Variants in CD86 observed in about 807,000 individuals in gnomAD.
CD86 encodes T-lymphocyte activation antigen CD86.
A neutral mutation model predicts 32.1 loss-of-function variants in CD86; 11 were observed. The ratio of observed to expected loss-of-function variants is 0.34; its 90% CI spans 0.22 to 0.57. CD86 has a LOEUF of 0.57. Among genes scored for constraint, CD86 ranks in the 20% least tolerant of loss-of-function variants. The pLI is 0.86. For synonymous variants in CD86, 137 were observed against 135.3 expected (o/e 1.01, Z -0.09); for missense variants, 359 against 398.4 (o/e 0.90, Z 0.84).
At chr3:122,060,240 A>G (rs994410394) in intron 1 of CD86, among the ~76,000 whole-genome samples, 1 of 152,242 alleles carries the variant, frequency 6.6e-6, no homozygotes, top group African/African-American at 2.4e-5. Context: ...AGAAAGGCGA[A>G]GTAGGAGAAT....
intron 1 of CD86, among the ~76,000 whole-genome samples, chr3:122,070,756 T>C (rs1422047094): frequency 1.3e-5 from 2 of 152,088 alleles, no homozygotes; most frequent in Non-Finnish European, 2.9e-5. Flanking sequence ...AAGGCAGAAA[T>C]ACAAAAGGAG....
At chr3:122,070,428 A>G (rs2072473614) in intron 1 of CD86, among the ~76,000 whole-genome samples, 1 of 152,190 alleles carries the variant, frequency 6.6e-6, no homozygotes, top group Admixed American at 6.5e-5. Context: ...GTGAGGGTCC[A>G]TCCTACCCCA....
intron 5 of CD86, among the ~76,000 whole-genome samples, chr3:122,115,336 A>C (rs970575352): frequency 1.3e-5 from 2 of 152,200 alleles, no homozygotes; most frequent in Non-Finnish European, 2.9e-5. Flanking sequence ...AAACTATACA[A>C]TATTACTACT....
chr3:122,097,919 T>G (rs1388322009), intron 2 of CD86, among the ~76,000 whole-genome samples: 1 of 152,100 alleles, frequency 6.6e-6, no homozygotes, highest in Non-Finnish European at 1.5e-5. Context: ...GACCTAAGAA[T>G]GAGGGTGCCT....
intron 2 of CD86, chr3:122,091,863 C>G (rs1038017747): frequency 9.0e-6 from 5 of 553,126 alleles, no homozygotes; most frequent in South Asian, 2.3e-5. Flanking sequence ...GCTCTCCCCC[C>G]CGTGTGCTTC....
intron 1 of CD86, among the ~76,000 whole-genome samples, chr3:122,080,807 CAG>C (rs2072623389): frequency 6.6e-6 from 1 of 152,146 alleles, no homozygotes; most frequent in South Asian, 2.1e-4. Context: ...TTGAGGAAAA[CAG>C]AGCTCAGGAT....
intron 1 of CD86, among the ~76,000 whole-genome samples, chr3:122,068,186 C>T (rs773073362): frequency 1.3e-5 from 2 of 152,068 alleles, no homozygotes; most frequent in Admixed American, 6.6e-5. Flanking sequence ...ATACCCCAAT[C>T]TATTTTATTT....
In CD86 at chr3:122,106,264, C is replaced by A. The variant is rs759055247; in HGVS notation, c.467C>A (p.Thr156Asn). 1.2e-6 allele frequency: 2 copies of A among 1,613,076 alleles called. No homozygotes were observed. Among genetic ancestry groups the A allele is most frequent in the Non-Finnish European group, 1.7e-6 (2 of 1,179,484 alleles). ...ACAGAAAATGTGTACATAAATTTGA[C>A]CTGCTCATCTATACACGGTTACCCA... ...NITENVYINL[T>N]CSSIHGYPEP... The change falls in exon 4 of 7, where the codon ACC becomes AAC. Residue 156 changes from threonine (T) to asparagine (N), a missense_variant. Transcript: ENST00000330540.
intron 1 of CD86, among the ~76,000 whole-genome samples, chr3:122,066,409 A>T (rs2072413820): frequency 6.6e-6 from 1 of 152,240 alleles, no homozygotes; most frequent in East Asian, 1.9e-4. Flanking sequence ...ATTCTGTCCA[A>T]AAAAGGGACA....
At chr3:122,087,457 C>A (rs2072742363) in intron 1 of CD86, among the ~76,000 whole-genome samples, 1 of 152,132 alleles carries the variant, frequency 6.6e-6, no homozygotes, top group East Asian at 1.9e-4. Flanking sequence ...TCTTCACGGC[C>A]AATGACATTG....
intron 2 of CD86, 83 bp from the exon 3 acceptor site, chr3:122,103,429 C>A: frequency 1.2e-6 from 1 of 822,388 alleles, no homozygotes; most frequent in Non-Finnish European, 2.0e-6. Flanking sequence ...AAGATAGTAT[C>A]TGGGTATTGT....
intron 4 of CD86, among the ~76,000 whole-genome samples, chr3:122,108,859 C>T (rs1002934434): frequency 2.6e-5 from 4 of 152,148 alleles, no homozygotes; most frequent in African/African-American, 9.7e-5. Flanking sequence ...AGAATCATCA[C>T]GAGAGGAACT....
At position 122,119,504 on chromosome 3, in the gene CD86, T is replaced by C. The variant is rs1198591416; in HGVS notation, c.960T>C (p.Ser320=). ...AQRVFKSSKT[S]SCDKSDTCF is the part of the protein sequence containing the mutation. ...GTGTTTTTAAAAGTTCGAAGACATC[T>C]TCATGCGACAAAAGTGATACATGTT... Residue 320 remains serine (S), a synonymous_variant, in exon 7 of 7, where the codon TCT becomes TCC. Transcript: ENST00000330540. The C allele has an allele frequency of 6.2e-7, 1 of 1,608,274 alleles. No homozygotes were observed. The highest frequency in any genetic ancestry group is 8.5e-7 in the Non-Finnish European group (1 of 1,174,850).
intron 2 of CD86, among the ~76,000 whole-genome samples, chr3:122,100,918 A>G (rs374619948): frequency 6.6e-6 from 1 of 152,164 alleles, no homozygotes; most frequent in South Asian, 2.1e-4. Flanking sequence ...CATAAAATGG[A>G]AGGCCTGAAG....
chr3:122,104,577 C>T (rs980553814), intron 3 of CD86, among the ~76,000 whole-genome samples: 3 of 152,102 alleles, frequency 2.0e-5, no homozygotes, highest in Non-Finnish European at 2.9e-5. Context: ...ATTTCTATCA[C>T]CCTAAAAATT....
At chr3:122,102,589 T>A (rs1484012493) in intron 2 of CD86, among the ~76,000 whole-genome samples, 1 of 152,072 alleles carries the variant, frequency 6.6e-6, no homozygotes, top group Non-Finnish European at 1.5e-5. Context: ...GCATGATGTC[T>A]ATGGTTGTAA....
At chr3:122,107,495 T>C in intron 4 of CD86, among the ~76,000 whole-genome samples, 1 of 152,276 alleles carries the variant, frequency 6.6e-6, no homozygotes, top group African/African-American at 2.4e-5. Flanking sequence ...CATTTTAAAG[T>C]CCTGGCTTTA....
intron 3 of CD86, among the ~76,000 whole-genome samples, 166 bp from the exon 4 acceptor site, chr3:122,106,032 A>T (rs1367081797): frequency 6.6e-6 from 1 of 152,088 alleles, no homozygotes; most frequent in Non-Finnish European, 1.5e-5. Context: ...ATAAACATGA[A>T]GTCATTATGT....
At chr3:122,091,793 T>G (rs1408277291) in intron 2 of CD86, 143 bp downstream of exon 2, 2 of 685,660 alleles carry the variant, frequency 2.9e-6, no homozygotes, top group African/African-American at 3.6e-5. Context: ...AAAAAGACTT[T>G]CCTGGAGAAG....
Sources: allele counts gnomAD v4.1 joint callset (sites outside exome capture counted in the v4.1 genomes callset), GRCh38; gene constraint gnomAD v4.1.1; transcripts MANE v1.5; gene names NCBI Gene and HGNC (gene_info 2026-07-23, HGNC 2026-07-21).